The following NRXN1 variants were observed in gnomAD, a reference collection of about 807,000 sequenced individuals.
The protein encoded by NRXN1 is neurexin-1.
NRXN1 carries 39 observed loss-of-function variants against 150.9 expected under a neutral mutation model. That is an observed-to-expected ratio of 0.26 (90% CI 0.20 to 0.34). The LOEUF is 0.34. Ranked by LOEUF, NRXN1 falls within the 10% of genes least tolerant of loss-of-function variation. The pLI, the probability that NRXN1 is intolerant of heterozygous loss-of-function variation, is 1.00. For missense variants in NRXN1, 1,815 were observed against 1,949.9 expected, an observed-to-expected ratio of 0.93 and a Z score of 1.30; for synonymous variants, 924 against 757.0, an observed-to-expected ratio of 1.22 and a Z score of -3.62.
At chr2:50,216,897 T>C (rs2152851549) in intron 18 of NRXN1, among the ~76,000 whole-genome samples, 1 of 152,180 alleles carries the variant, frequency 6.6e-6, no homozygotes, top group East Asian at 1.9e-4. Context: ...ACACAGTGTG[T>C]TGTGAAATAT....
At chr2:50,455,771 A>G (rs2087493868) in intron 17 of NRXN1, among the ~76,000 whole-genome samples, 1 of 152,164 alleles carries the variant, frequency 6.6e-6, no homozygotes, top group South Asian at 2.1e-4. Flanking sequence ...ATGAATCTGG[A>G]TCCTTGGTAT....
At chr2:50,351,102 G>A (rs1342395677) in intron 17 of NRXN1, among the ~76,000 whole-genome samples, 3 of 152,120 alleles carry the variant, frequency 2.0e-5, no homozygotes, top group East Asian at 3.9e-4. Flanking sequence ...ATTAATTTGT[G>A]TCTCTTCAGC....
chr2:50,490,117 T>G (rs1378134054), intron 15 of NRXN1, among the ~76,000 whole-genome samples: 1 of 152,190 alleles, frequency 6.6e-6, no homozygotes, highest in Non-Finnish European at 1.5e-5. Context: ...ATATATCAAG[T>G]CTTATTTCTA....
chr2:50,957,538 A>G (rs1692467769), intron 2 of NRXN1, among the ~76,000 whole-genome samples: 2 of 152,140 alleles, frequency 1.3e-5, no homozygotes, highest in Non-Finnish European at 2.9e-5. Context: ...TAAAGCCAGT[A>G]AGCTGACAAA....
chr2:50,465,294 T>C, intron 17 of NRXN1, 148 bp downstream of exon 17: 1 of 627,994 alleles, frequency 1.6e-6, no homozygotes, highest in Non-Finnish European at 2.4e-6. Context: ...TTCAAAACTG[T>C]CCTTTCCGTA....
intron 21 of NRXN1, among the ~76,000 whole-genome samples, chr2:50,026,408 A>G (rs1056560629): frequency 4.6e-5 from 7 of 152,208 alleles, no homozygotes; most frequent in Admixed American, 1.3e-4. Context: ...CACCAAATGA[A>G]TATCTCTTTC....
intron 5 of NRXN1, among the ~76,000 whole-genome samples, chr2:50,730,966 C>T (rs990959062): frequency 4.6e-5 from 7 of 152,300 alleles, no homozygotes; most frequent in African/African-American, 1.2e-4. Context: ...AGCCACCGCG[C>T]CCGGCCTTCC....
chr2:49,935,073 C>A (rs193190180), intron 22 of NRXN1, among the ~76,000 whole-genome samples: 8 of 152,306 alleles, frequency 5.3e-5, no homozygotes, highest in African/African-American at 1.9e-4. Flanking sequence ...AGTTAGTTTG[C>A]TACTACTACT....
intron 17 of NRXN1, among the ~76,000 whole-genome samples, chr2:50,371,241 G>C (rs1051017684): frequency 6.6e-6 from 1 of 151,914 alleles, no homozygotes; most frequent in Admixed American, 6.6e-5. Context: ...GCTTTCATTT[G>C]ATTATTACCA....
intron 17 of NRXN1, among the ~76,000 whole-genome samples, chr2:50,442,901 G>C (rs1392774028): frequency 6.6e-6 from 1 of 152,148 alleles, no homozygotes; most frequent in Non-Finnish European, 1.5e-5. Flanking sequence ...AGGATGATTA[G>C]ATAATGAGTA....
At chr2:50,408,793 G>C (rs1379785387) in intron 17 of NRXN1, among the ~76,000 whole-genome samples, 2 of 151,078 alleles carry the variant, frequency 1.3e-5, no homozygotes, top group Admixed American at 6.6e-5. Flanking sequence ...CTCTAACTGG[G>C]AGCAGAAATC....
chr2:50,280,988 T>G (rs536600222), intron 17 of NRXN1, among the ~76,000 whole-genome samples: 5 of 152,044 alleles, frequency 3.3e-5, no homozygotes, highest in African/African-American at 1.2e-4. Flanking sequence ...AGGAAAACTG[T>G]ATTTTTATTA....
chr2:50,909,587 G>C (rs1175328405), intron 5 of NRXN1, among the ~76,000 whole-genome samples: 2 of 151,894 alleles, frequency 1.3e-5, no homozygotes, highest in African/African-American at 4.8e-5. Context: ...AGTGTTAACA[G>C]ACCTACCAAA....
intron 2 of NRXN1, among the ~76,000 whole-genome samples, chr2:50,945,382 T>A (rs1333720508): frequency 6.6e-6 from 1 of 152,060 alleles, no homozygotes; most frequent in Non-Finnish European, 1.5e-5. Context: ...GAGGATTGCT[T>A]GAGCCCAAGA....
chr2:50,437,745 G>A (rs185192973), intron 17 of NRXN1, among the ~76,000 whole-genome samples: 9 of 151,966 alleles, frequency 5.9e-5, no homozygotes, highest in African/African-American at 2.2e-4. Context: ...GACAAAAAGG[G>A]AAGATTTTCT....
intron 17 of NRXN1, among the ~76,000 whole-genome samples, chr2:50,335,494 T>C (rs528602697): frequency 1.3e-5 from 2 of 152,242 alleles, no homozygotes; most frequent in South Asian, 4.2e-4. Context: ...TTTTCCTAAG[T>C]TTTTCCTCGT....
At chr2:49,960,202 A>G (rs771753811) in intron 21 of NRXN1, among the ~76,000 whole-genome samples, 1 of 152,184 alleles carries the variant, frequency 6.6e-6, no homozygotes, top group African/African-American at 2.4e-5. Context: ...CAAGCATTCA[A>G]CTGAGTTCAT....
intron 2 of NRXN1, among the ~76,000 whole-genome samples, chr2:50,939,859 C>T (rs1251538102): frequency 6.6e-6 from 1 of 152,062 alleles, no homozygotes; most frequent in Non-Finnish European, 1.5e-5. Context: ...TTAGAAAATT[C>T]ATCCATATAG....
intron 18 of NRXN1, among the ~76,000 whole-genome samples, chr2:50,171,481 T>C (rs1325104455): frequency 6.6e-6 from 1 of 152,146 alleles, no homozygotes; most frequent in South Asian, 2.1e-4. Flanking sequence ...TGGAAATATA[T>C]GCGCTATCAT....
Sources: allele counts gnomAD v4.1 joint callset (sites outside exome capture counted in the v4.1 genomes callset), GRCh38; gene constraint gnomAD v4.1.1; transcripts MANE v1.5; gene names NCBI Gene and HGNC (gene_info 2026-07-23, HGNC 2026-07-21).